EXOC3L2: variants seen among roughly 807,000 people sequenced by gnomAD.
The protein encoded by EXOC3L2 is exocyst complex component 3-like protein 2.
In EXOC3L2, 17 loss-of-function variants were observed where a neutral mutation model predicts 44.4. The observed-to-expected ratio is 0.38, with a 90% CI of 0.26 to 0.57. The LOEUF (loss-of-function observed/expected upper bound fraction) is 0.57, where lower values mean the gene tolerates loss of function less well. EXOC3L2 is among the 20% of genes least tolerant of loss of function. The pLI is 0.65. For missense variants in EXOC3L2, 541 were observed against 588.4 expected (o/e 0.92, Z 0.83); for synonymous variants, 256 against 253.7 (o/e 1.01, Z -0.09).
Position 45,212,404 on chromosome 19 carries a change from C to T in EXOC3L2, c.*665G>A, listed in dbSNP as rs1309641260. Among the ~76,000 whole-genome samples the T allele has an allele frequency of 6.6e-6, 1 of 152,032 alleles. No homozygotes were observed. Among genetic ancestry groups the T allele is most frequent in the East Asian group, 1.9e-4 (1 of 5,186 alleles). On this transcript the variant is annotated 3_prime_UTR_variant, in exon 12 of 12. Transcript: ENST00000413988. ...ATAGAAACCTCTTTATTCTAAGTAT[C>T]GAACGTTCCTTAATACATTGGATTG... is the stretch of plus-strand genomic sequence containing the variant.
chr19:45,229,868 A>AATG (rs1472124735), intron 4 of EXOC3L2, among the ~76,000 whole-genome samples: 400 of 147,086 alleles, frequency 2.7e-3, no homozygotes, highest in African/African-American at 8.6e-3. Flanking sequence ...TGTGTACATT[A>AATG]TAAATAAAGC....
At chr19:45,214,564 A>C (rs1041679498) in intron 11 of EXOC3L2, among the ~76,000 whole-genome samples, 1 of 152,080 alleles carries the variant, frequency 6.6e-6, no homozygotes, top group Non-Finnish European at 1.5e-5. Flanking sequence ...TCCTGGGCTC[A>C]AGCAATTCTC....
In EXOC3L2 at chr19:45,213,079, G is replaced by T; in HGVS notation, c.2399C>A (p.Ala800Asp). 6.7e-7 allele frequency: 1 copy of T among 1,501,290 alleles called. No homozygotes were observed. Among genetic ancestry groups the T allele is most frequent in the Non-Finnish European group, 8.8e-7 (1 of 1,130,454 alleles). 93.0% of individuals were successfully genotyped at this position (1,501,290 alleles called of 1,614,324 possible). A position where few individuals can be genotyped will look rare whatever the true frequency, so the allele number is the denominator to read the frequency against. Reference sequence around the variant, plus strand: ...GCGGTTGGGTGACCCTCAGCGCTGGGCCCGAGGTCGCGCTAGAGACGGAGG... The same window carrying T: ...GCGGTTGGGTGACCCTCAGCGCTGGTCCCGAGGTCGCGCTAGAGACGGAGG... ...PRPPSLARPR[A>D]QR Residue 800 changes from alanine to aspartate, a missense_variant, in exon 12 of 12, where the codon GCC becomes GAC. Ala to Asp is a moderately radical substitution (Grantham distance 126). Coordinates refer to ENST00000413988, the MANE Select transcript of EXOC3L2 (RefSeq NM_001382422.1).
chr19:45,228,326 T>TA (rs1288775026), intron 4 of EXOC3L2, 60 bp from the exon 5 acceptor site: 7 of 1,425,814 alleles, frequency 4.9e-6, no homozygotes, highest in East Asian at 2.3e-5. Context: ...TCTTTTTTTT[T>TA]ATCTCTTTCT....
chr19:45,225,369 T>C (rs990499845), intron 7 of EXOC3L2, among the ~76,000 whole-genome samples: 12 of 151,514 alleles, frequency 7.9e-5, no homozygotes, highest in African/African-American at 2.7e-4. Context: ...CCCAGGTTCA[T>C]GCCATTCTCC....
chr19:45,214,456 G>GTGTTTGTTTGTT (rs57770472), intron 11 of EXOC3L2, among the ~76,000 whole-genome samples: 23 of 151,328 alleles, frequency 1.5e-4, no homozygotes, highest in African/African-American at 2.7e-4. Context: ...GTTTTTTTGT[G>GTGTTTGTTTGTT]TGTTTGTTTG....
rs1969849553 is a variant in EXOC3L2, at chr19:45,217,598, C to T, written c.1928G>A (p.Arg643Gln). 6.6e-7 allele frequency: 1 copy of T among 1,526,518 alleles called. No homozygotes were observed. The allele number at this position is 1,526,518 out of a possible 1,614,324, so 94.6% of individuals were successfully genotyped here. The change falls in exon 10 of 12, where the codon CGG becomes CAG. Residue 643 changes from arginine to glutamine, a missense_variant. Coordinates refer to ENST00000413988, the MANE Select transcript of EXOC3L2 (RefSeq NM_001382422.1). ...CCTGCCGGCCACGCGGCTGCGGGTC[C>T]GCGCCGAGCTGCAGCGCAGGCGCCC... Reference protein sequence around the residue: ...LRGRLRCSSARTRSRVAGRLR... With the variant: ...LRGRLRCSSAQTRSRVAGRLR...
At chr19:45,223,657 A>G (rs993782994) in intron 8 of EXOC3L2, among the ~76,000 whole-genome samples, 2 of 149,690 alleles carry the variant, frequency 1.3e-5, no homozygotes, top group African/African-American at 4.9e-5. Context: ...TTCTGTTTTA[A>G]ATGGGGCAAT....
In EXOC3L2 at chr19:45,224,871, G is replaced by A. The variant is rs376475216; in HGVS notation, c.1626C>T (p.Ser542=). The change falls in exon 8 of 12, where the codon AGC becomes AGT. Residue 542 remains serine, a synonymous_variant. Coordinates refer to ENST00000413988, the MANE Select transcript of EXOC3L2 (RefSeq NM_001382422.1). ...TAGCAGATGCTTCCCGGGCCGGCTC[G>A]CTTTCTGGGGGCCCCACCCGGGCCA... is the stretch of plus-strand genomic sequence containing the variant. The part of the protein sequence containing the change: ...ERLARVGPPE[S]EPAREASASA... 3.4e-5 allele frequency: 54 copies of A among 1,573,796 alleles called. 1 individual carries two copies. Among genetic ancestry groups the A allele is most frequent in the South Asian group, 2.1e-4 (18 of 86,088 alleles).
rs116328229 is a variant in EXOC3L2, at chr19:45,238,680, C to T, written c.366G>A (p.Ala122=). The T allele has an allele frequency of 0.012, 4,622 of 399,162 alleles. 189 individuals carry two copies. Among genetic ancestry groups the T allele is most frequent in the African/African-American group, 0.086 (4,190 of 48,730 alleles). The allele number at this position is 399,162 out of a possible 1,614,324, so 24.7% of individuals were successfully genotyped here. A position where few individuals can be genotyped will look rare whatever the true frequency, so the allele number is the denominator to read the frequency against. Residue 122 remains alanine (A), a synonymous_variant, in exon 2 of 12, where the codon GCG becomes GCA. Transcript: ENST00000413988. The surrounding 1 kb of genome is among the most constrained non-coding windows in gnomAD (Gnocchi z 5.5). ...AGGCCAGTCTCCGGGCGGCCTCCCCCGCTGCCTCCTCGTCGCCGTGGGCTC... is the reference window on the plus strand; with the variant it reads ...AGGCCAGTCTCCGGGCGGCCTCCCCTGCTGCCTCCTCGTCGCCGTGGGCTC... ...GTRAHGDEEA[A]GEAARRLAFL...
At chr19:45,225,677 C>T (rs558801389) in intron 7 of EXOC3L2, among the ~76,000 whole-genome samples, 85 of 147,054 alleles carry the variant, frequency 5.8e-4, no homozygotes, top group African/African-American at 2.0e-3. Flanking sequence ...GGCTGGAGTG[C>T]AGTGGCGCGA....
At chr19:45,224,457 T>C (rs903767347) in intron 8 of EXOC3L2, among the ~76,000 whole-genome samples, 5 of 151,914 alleles carry the variant, frequency 3.3e-5, no homozygotes, top group African/African-American at 1.2e-4. Context: ...CGAACCCCTA[T>C]AGGGCGGGCA....
intron 8 of EXOC3L2, among the ~76,000 whole-genome samples, chr19:45,219,081 C>T (rs191754713): frequency 7.0e-4 from 106 of 152,064 alleles, no homozygotes; most frequent in East Asian, 4.8e-3. Flanking sequence ...GGCGCGGTGG[C>T]GTGCAACTGT....
chr19:45,222,789 G>A (rs147468361), intron 8 of EXOC3L2, among the ~76,000 whole-genome samples: 780 of 152,296 alleles, frequency 5.1e-3, no homozygotes, highest in Middle Eastern at 0.02. Flanking sequence ...GACTAAGACC[G>A]TAGATTCGCA....
chr19:45,219,393 CAAAAAAA>C (rs950797638), intron 8 of EXOC3L2, among the ~76,000 whole-genome samples: 17 of 51,548 alleles, frequency 3.3e-4, no homozygotes, highest in African/African-American at 1.0e-3. Context: ...GGCCCCGTCT[CAAAAAAA>C]AAAAAAAAAA....
chr19:45,226,877 G>A (rs930310120), intron 7 of EXOC3L2, among the ~76,000 whole-genome samples: 5 of 139,828 alleles, frequency 3.6e-5, no homozygotes, highest in African/African-American at 1.3e-4. Flanking sequence ...CTCAGCCTTC[G>A]GAGTAGCTGG....
chr19:45,241,086 C>T (rs1421252971), intron 1 of EXOC3L2, among the ~76,000 whole-genome samples: 1 of 152,068 alleles, frequency 6.6e-6, no homozygotes, highest in Non-Finnish European at 1.5e-5. Context: ...CACTCACTTC[C>T]CATAGCCCCT....
chr19:45,231,314 C>A (rs1970029031), intron 4 of EXOC3L2, among the ~76,000 whole-genome samples: 1 of 151,958 alleles, frequency 6.6e-6, no homozygotes, highest in South Asian at 2.1e-4. Context: ...TTATTACCAG[C>A]CCTGCTTATA....
At chr19:45,237,393 C>G (rs1351489494) in intron 2 of EXOC3L2, among the ~76,000 whole-genome samples, 1 of 152,042 alleles carries the variant, frequency 6.6e-6, no homozygotes, top group Non-Finnish European at 1.5e-5. Context: ...CCCAGCTACT[C>G]TGGTGGCTAA....
Sources: allele counts gnomAD v4.1 joint callset (sites outside exome capture counted in the v4.1 genomes callset), GRCh38; gene constraint gnomAD v4.1.1; non-coding constraint Gnocchi (gnomAD v3.1); transcripts MANE v1.5; gene names NCBI Gene and HGNC (gene_info 2026-07-23, HGNC 2026-07-21).